Variants in KCNMA1 observed in about 807,000 individuals in gnomAD.
KCNMA1 encodes Calcium-activated potassium channel subunit alpha-1.
Under a neutral mutation model 140.0 loss-of-function variants are expected in KCNMA1, and 29 were observed. The observed-to-expected ratio is 0.21, with a 90% CI of 0.15 to 0.28. The LOEUF is 0.28. Among genes scored for constraint, KCNMA1 ranks in the 10% least tolerant of loss-of-function variants. KCNMA1 has a pLI of 1.00. For missense variants in KCNMA1, 880 were observed against 1,602.2 expected (o/e 0.55, Z 7.70); for synonymous variants, 612 against 611.9 (o/e 1.00, Z 0.00).
chr10:77,038,790 C>T (rs533408396), intron 15 of KCNMA1, among the ~76,000 whole-genome samples: 1 of 152,264 alleles, frequency 6.6e-6, no homozygotes, highest in African/African-American at 2.4e-5. Flanking sequence ...ATCCTCTCAC[C>T]TCAGCTTCTA....
At chr10:77,034,423 TA>T (rs1330432255) in intron 15 of KCNMA1, among the ~76,000 whole-genome samples, 11 of 152,324 alleles carry the variant, frequency 7.2e-5, no homozygotes, top group Non-Finnish European at 1.5e-4. Flanking sequence ...GAACTGAAGT[TA>T]AACTAGCTAC....
At chr10:77,636,942 C>G in intron 1 of KCNMA1, 1 of 1,418,778 alleles carries the variant, frequency 7.0e-7, no homozygotes, top group Non-Finnish European at 9.1e-7. Context: ...CTGTCCCCAC[C>G]CCGCACCACG....
chr10:77,290,042 G>A (rs1289323106), intron 2 of KCNMA1, among the ~76,000 whole-genome samples: 1 of 152,188 alleles, frequency 6.6e-6, no homozygotes, highest in African/African-American at 2.4e-5. Flanking sequence ...ATGGAAGGAG[G>A]CGGTTCGATG....
At chr10:77,562,344 C>T (rs2719995) in intron 1 of KCNMA1, among the ~76,000 whole-genome samples, 59,247 of 152,006 alleles carry the variant, frequency 0.39, 12,503 homozygotes, top group Non-Finnish European at 0.48. Flanking sequence ...CCATTGAAGG[C>T]GGCTTCTAAA....
chr10:77,174,054 C>T (rs763296013), intron 5 of KCNMA1, among the ~76,000 whole-genome samples: 6 of 152,180 alleles, frequency 3.9e-5, no homozygotes, highest in Non-Finnish European at 8.8e-5. Flanking sequence ...AATTGCAGGA[C>T]CAGCCTCTAG....
At chr10:76,934,239 T>A (rs1327441052) in intron 23 of KCNMA1, among the ~76,000 whole-genome samples, 2 of 152,248 alleles carry the variant, frequency 1.3e-5, no homozygotes, top group African/African-American at 4.8e-5. Flanking sequence ...CCCAGTGTGC[T>A]GGGATTACAG....
At chr10:77,295,637 C>T (rs1201806661) in intron 2 of KCNMA1, among the ~76,000 whole-genome samples, 9 of 149,906 alleles carry the variant, frequency 6.0e-5, no homozygotes, top group Admixed American at 1.3e-4. Flanking sequence ...AAAAATTAGC[C>T]GGGCGCGGTG....
At position 76,891,415 on chromosome 10, in the gene KCNMA1, T is replaced by G. The variant is rs148680757; in HGVS notation, c.3342+110A>C. ...TATCACCTCTTACAGTTATCTACAA[T>G]AGGAAGGAGAAAAGCCAGATGCCTA... On this transcript the variant is annotated intron_variant, in intron 26 of 27. Transcript: ENST00000286628. The G allele has an allele frequency of 1.5e-4, 117 of 795,900 alleles. No homozygotes were observed. The African/African-American group carries it at 1.5e-3, about 10-fold the overall frequency. 49.3% of individuals were successfully genotyped at this position (795,900 alleles called of 1,614,324 possible).
At chr10:77,033,135 A>G (rs1174811099) in intron 15 of KCNMA1, among the ~76,000 whole-genome samples, 1 of 152,154 alleles carries the variant, frequency 6.6e-6, no homozygotes, top group Non-Finnish European at 1.5e-5. Flanking sequence ...ATTGAAGTAG[A>G]TACGGATACA....
chr10:77,418,030 C>T (rs1755371658), intron 1 of KCNMA1, among the ~76,000 whole-genome samples: 1 of 152,204 alleles, frequency 6.6e-6, no homozygotes. Context: ...GGTTCCAAAA[C>T]TTCAGCCTCT....
At chr10:76,950,962 C>A (rs896290660) in intron 21 of KCNMA1, among the ~76,000 whole-genome samples, 1 of 152,288 alleles carries the variant, frequency 6.6e-6, no homozygotes, top group African/African-American at 2.4e-5. Flanking sequence ...CTGGGCCGCA[C>A]GGAAGTGCAA....
intron 1 of KCNMA1, among the ~76,000 whole-genome samples, chr10:77,558,298 A>G (rs536441857): frequency 6.6e-6 from 1 of 152,298 alleles, no homozygotes; most frequent in African/African-American, 2.4e-5. Context: ...CATCTCCCTT[A>G]GAGCGTAGAA....
At chr10:77,145,987 A>T (rs2098281048) in intron 5 of KCNMA1, among the ~76,000 whole-genome samples, 1 of 152,176 alleles carries the variant, frequency 6.6e-6, no homozygotes, top group South Asian at 2.1e-4. Context: ...AACGGTTAAA[A>T]TTGTCCTTGG....
intron 1 of KCNMA1, among the ~76,000 whole-genome samples, chr10:77,562,988 G>T (rs10509389): frequency 6.6e-6 from 1 of 151,812 alleles, no homozygotes; most frequent in African/African-American, 2.4e-5. Context: ...AAAAAATTAC[G>T]CTATGCCCTG....
At chr10:77,168,534 T>C (rs1249188072) in intron 5 of KCNMA1, among the ~76,000 whole-genome samples, 1 of 152,172 alleles carries the variant, frequency 6.6e-6, no homozygotes. Flanking sequence ...AACACAATGG[T>C]AAGTTTTGTG....
intron 1 of KCNMA1, among the ~76,000 whole-genome samples, chr10:77,594,631 C>T (rs1477778386): frequency 1.3e-5 from 2 of 152,186 alleles, no homozygotes; most frequent in African/African-American, 4.8e-5. Flanking sequence ...TGAGATCACA[C>T]TTGAGAAGAC....
In KCNMA1 at chr10:77,027,810, A is replaced by G. The variant is rs1281120354; in HGVS notation, c.1928+13T>C. ...AAAAGTGTCAGCTGGCTGCTGGGTC[A>G]CCGCAAACTTACCGGCTCTCTCGGT... On this transcript the variant is annotated intron_variant, in intron 16 of 27. Transcript: ENST00000286628. 1 of 1,612,640 alleles carries G rather than the reference A, an allele frequency of 6.2e-7. No individual in the cohort carries two copies.
At chr10:77,258,882 G>C (rs1379611044) in intron 2 of KCNMA1, among the ~76,000 whole-genome samples, 1 of 152,100 alleles carries the variant, frequency 6.6e-6, no homozygotes, top group Non-Finnish European at 1.5e-5. Context: ...AGAATTGCTT[G>C]AACCCAGGAA....
intron 2 of KCNMA1, among the ~76,000 whole-genome samples, chr10:77,391,375 A>G (rs2095815156): frequency 6.6e-6 from 1 of 152,186 alleles, no homozygotes; most frequent in Admixed American, 6.5e-5. Context: ...TCATGTCAGC[A>G]CAAGGCCAAT....
Sources: gnomAD v4.1 joint callset for allele counts (sites outside exome capture counted in the v4.1 genomes callset) on GRCh38, gnomAD v4.1.1 for gene constraint, MANE v1.5 for transcripts, NCBI Gene and HGNC (gene_info 2026-07-23, HGNC 2026-07-21) for gene names.